The following PHKB variants were observed in gnomAD, a reference collection of about 807,000 sequenced individuals.
PHKB encodes the protein phosphorylase b kinase regulatory subunit beta.
Under a neutral mutation model 152.1 loss-of-function variants are expected in PHKB, and 122 were observed. The observed-to-expected ratio is 0.80, with a 90% CI of 0.69 to 0.93. The LOEUF is 0.93. PHKB is among the 40% of genes least tolerant of loss of function. The pLI is 0.00. For missense variants in PHKB, 1,304 were observed against 1,328.4 expected (o/e 0.98, Z 0.29); for synonymous variants, 436 against 464.9 (o/e 0.94, Z 0.80).
chr16:47,487,319 A>G (rs1017912059), intron 1 of PHKB, among the ~76,000 whole-genome samples: 1 of 152,196 alleles, frequency 6.6e-6, no homozygotes, highest in African/African-American at 2.4e-5. Context: ...TGTAAACATC[A>G]TATGCCTGTG....
intron 10 of PHKB, among the ~76,000 whole-genome samples, chr16:47,589,551 A>G (rs1174036700): frequency 6.6e-6 from 1 of 152,212 alleles, no homozygotes; most frequent in African/African-American, 2.4e-5. Flanking sequence ...ATTAAAACTG[A>G]TAGGCCATTC....
chr16:47,588,803 G>A, intron 9 of PHKB, 102 bp from the exon 10 acceptor site: 2 of 973,602 alleles, frequency 2.1e-6, no homozygotes, highest in South Asian at 2.6e-5. Flanking sequence ...GCTCACTTTT[G>A]ACTGCATAAC....
intron 14 of PHKB, among the ~76,000 whole-genome samples, chr16:47,625,928 C>T (rs1448543601): frequency 6.6e-6 from 1 of 152,110 alleles, no homozygotes; most frequent in Non-Finnish European, 1.5e-5. Flanking sequence ...CTCAAAGTAC[C>T]CATTAAGAGC....
chr16:47,653,476 T>C (rs1446967169), intron 20 of PHKB, among the ~76,000 whole-genome samples: 2 of 152,210 alleles, frequency 1.3e-5, no homozygotes, highest in Non-Finnish European at 2.9e-5. Context: ...GTCTGGATCT[T>C]AGGGTCCTGA....
At chr16:47,627,925 T>C (rs1972739974) in intron 14 of PHKB, among the ~76,000 whole-genome samples, 1 of 152,190 alleles carries the variant, frequency 6.6e-6, no homozygotes, top group South Asian at 2.1e-4. Flanking sequence ...AATTGAGATG[T>C]ATAAAGCATC....
chr16:47,653,119 C>A (rs946711922), intron 20 of PHKB, among the ~76,000 whole-genome samples: 6 of 152,058 alleles, frequency 3.9e-5, no homozygotes, highest in Middle Eastern at 3.5e-3. Flanking sequence ...ATTTGGAATT[C>A]TTTTCTCTAA....
At position 47,699,374 on chromosome 16, in the gene PHKB, G is replaced by A. The variant is rs1273929392; in HGVS notation, c.*8G>A. On this transcript the variant is annotated 3_prime_UTR_variant, in exon 31 of 31. Coordinates refer to ENST00000323584, the MANE Select transcript of PHKB (RefSeq NM_000293.3). ...CCGTGTCTGATTAGCTAGTGGGGAA[G>A]GTGTAGGAAGCTCTGTTGAGACACA... The A allele has an allele frequency of 6.2e-7, 1 of 1,614,066 alleles. No homozygotes were observed. The highest frequency in any genetic ancestry group is 1.7e-5 in the Admixed American group (1 of 60,022).
In PHKB at chr16:47,679,088, T is replaced by C. The variant is rs1212312555; in HGVS notation, c.2630+9671T>C. ...CAAAGATCAGATGGTTGTAGATATG[T>C]GGCATTATTTCTGAGGGCTCTGTTC... is the stretch of plus-strand genomic sequence containing the variant. On this transcript the variant is annotated intron_variant, in intron 26 of 30. Coordinates refer to ENST00000323584, the MANE Select transcript of PHKB (RefSeq NM_000293.3). Among the ~76,000 whole-genome samples the C allele has an allele frequency of 3.3e-5, 5 of 152,140 alleles. No homozygotes were observed. In the South Asian group the frequency reaches 6.2e-4, roughly 19 times the overall value.
intron 1 of PHKB, among the ~76,000 whole-genome samples, chr16:47,477,670 T>C (rs1447595220): frequency 1.3e-5 from 2 of 152,220 alleles, no homozygotes; most frequent in Non-Finnish European, 2.9e-5. Flanking sequence ...CTTTTGATTT[T>C]TCTATTAAAC....
At chr16:47,552,513 C>T (rs576932864) in intron 7 of PHKB, among the ~76,000 whole-genome samples, 1 of 152,070 alleles carries the variant, frequency 6.6e-6, no homozygotes, top group East Asian at 1.9e-4. Context: ...GTTTAAAATT[C>T]TTTTCTTTAA....
At chr16:47,675,784 G>A (rs143459677) in intron 26 of PHKB, 1,566 of 152,198 alleles carry the variant, frequency 0.01, 10 homozygotes, top group Non-Finnish European at 0.017. Flanking sequence ...AGACACTCAC[G>A]ACACCTGTGG....
chr16:47,638,710 G>A (rs931407188), intron 14 of PHKB, among the ~76,000 whole-genome samples: 2 of 152,192 alleles, frequency 1.3e-5, no homozygotes, highest in African/African-American at 4.8e-5. Context: ...AACTCCTCAA[G>A]GAGGGACATT....
intron 7 of PHKB, among the ~76,000 whole-genome samples, chr16:47,556,806 C>T (rs2151678620): frequency 6.6e-6 from 1 of 152,272 alleles, no homozygotes; most frequent in Admixed American, 6.5e-5. Flanking sequence ...GGAGGATTCC[C>T]TCTTTTTCTA....
At chr16:47,521,731 G>T (rs1424845726) in intron 6 of PHKB, among the ~76,000 whole-genome samples, 1 of 151,730 alleles carries the variant, frequency 6.6e-6, no homozygotes, top group African/African-American at 2.4e-5. Context: ...GATTGAGAAA[G>T]TTTCCTTCTA....
intron 13 of PHKB, among the ~76,000 whole-genome samples, chr16:47,600,661 A>G (rs1972206793): frequency 6.6e-6 from 1 of 152,244 alleles, no homozygotes; most frequent in South Asian, 2.1e-4. Context: ...CTCCTAGACT[A>G]TAAACTTGTA....
chr16:47,635,613 C>G (rs931681702), intron 14 of PHKB, among the ~76,000 whole-genome samples: 1 of 152,146 alleles, frequency 6.6e-6, no homozygotes, highest in African/African-American at 2.4e-5. Context: ...ATCTAAGGCA[C>G]CTATCAGATG....
intron 13 of PHKB, among the ~76,000 whole-genome samples, chr16:47,600,783 G>A (rs1315809569): frequency 6.6e-6 from 1 of 152,210 alleles, no homozygotes; most frequent in African/African-American, 2.4e-5. Flanking sequence ...GTCTATACAT[G>A]AAGATACAGT....
At chr16:47,577,314 G>A (rs1971766242) in intron 7 of PHKB, among the ~76,000 whole-genome samples, 1 of 152,012 alleles carries the variant, frequency 6.6e-6, no homozygotes, top group African/African-American at 2.4e-5. Flanking sequence ...ATTTATAATA[G>A]TTATCTTAAA....
chr16:47,465,044 A>T (rs779296278), intron 1 of PHKB, among the ~76,000 whole-genome samples: 3 of 152,220 alleles, frequency 2.0e-5, no homozygotes, highest in Non-Finnish European at 4.4e-5. Flanking sequence ...AGAGGAGGAA[A>T]ATCTTAAAGA....
Sources: allele counts gnomAD v4.1 joint callset (sites outside exome capture counted in the v4.1 genomes callset), GRCh38; gene constraint gnomAD v4.1.1; transcripts MANE v1.5; gene names NCBI Gene and HGNC (gene_info 2026-07-23, HGNC 2026-07-21).